The following F10 variants were observed in gnomAD, a reference collection of about 807,000 sequenced individuals.
F10 encodes coagulation factor X, also known as Stuart-Prower factor.
Under a neutral mutation model 37.1 loss-of-function variants are expected in F10, and 29 were observed. The ratio of observed to expected loss-of-function variants is 0.78; its 90% CI spans 0.58 to 1.07. F10 has a LOEUF of 1.07. F10 is among the 50% of genes least tolerant of loss of function. F10 has a pLI of 0.00. For synonymous variants in F10, 262 were observed against 268.6 expected, an observed-to-expected ratio of 0.98 and a Z score of 0.24; for missense variants, 539 against 667.9, an observed-to-expected ratio of 0.81 and a Z score of 2.13.
At position 113,148,830 on chromosome 13, in the gene F10, A is replaced by T. The variant is rs138691149; in HGVS notation, c.866-86A>T. ...TCACGTGCCATTTTTAATTTAAAAA[A>T]ATATATATAACTTCCTTAAAAAGCA... On this transcript the variant is annotated intron_variant, in intron 7 of 7. Transcript: ENST00000375559. 2.7e-4 allele frequency: 417 copies of T among 1,533,416 alleles called. 1 individual carries two copies. In the African/African-American group the frequency reaches 3.4e-3, roughly 13 times the overall value. The allele number at this position is 1,533,416 out of a possible 1,614,324, so 95.0% of individuals were successfully genotyped here. A position where few individuals can be genotyped will look rare whatever the true frequency, so the allele number is the denominator to read the frequency against.
intron 1 of F10, among the ~76,000 whole-genome samples, chr13:113,126,756 G>A (rs904851582): frequency 4.6e-5 from 7 of 152,190 alleles, no homozygotes; most frequent in African/African-American, 7.2e-5. Flanking sequence ...CAGGAGGCCC[G>A]CGAGTCCCAG....
chr13:113,122,983 C>A, intron 1 of F10, 58 bp downstream of exon 1: 2 of 1,573,266 alleles, frequency 1.3e-6, no homozygotes, highest in South Asian at 1.1e-5. Flanking sequence ...GGAGGGGCGG[C>A]AGTTGGGGAA....
chr13:113,139,793 G>A lies in F10; in HGVS notation c.370+323G>A, dbSNP rs2036510733. On this transcript the variant is annotated intron_variant, in intron 4 of 7. Coordinates refer to ENST00000375559, the MANE Select transcript of F10 (RefSeq NM_000504.4). The surrounding 1 kb of genome is among the most constrained non-coding windows in gnomAD (Gnocchi z 5.2). ...GAGTGGACTCTCTGTTTTCCTTGGG[G>A]CCAAGTGCATTGCCCTGTTATTCCT... is the stretch of plus-strand genomic sequence containing the variant. Among the ~76,000 whole-genome samples the A allele has an allele frequency of 6.6e-6, 1 of 151,914 alleles. No homozygotes were observed. The highest frequency in any genetic ancestry group is 1.5e-5 in the Non-Finnish European group (1 of 68,018).
In F10 at chr13:113,147,513, C is replaced by A; in HGVS notation, c.865+17C>A. On this transcript the variant is annotated intron_variant, in intron 7 of 7. Coordinates refer to ENST00000375559, the MANE Select transcript of F10 (RefSeq NM_000504.4). ...TGAGGGTAGGTAAGTGACCAACAGC[C>A]CCCAGGGCCGTGGTGAGGGGCACCG... 2.6e-6 allele frequency: 4 copies of A among 1,527,884 alleles called. No homozygotes were observed. Among genetic ancestry groups the A allele is most frequent in the Non-Finnish European group, 3.6e-6 (4 of 1,100,676 alleles). The allele number at this position is 1,527,884 out of a possible 1,614,324, so 94.6% of individuals were successfully genotyped here.
At chr13:113,128,394 G>T (rs1174222849) in intron 1 of F10, 1 of 152,186 alleles carries the variant, frequency 6.6e-6, no homozygotes, top group African/African-American at 2.4e-5. Context: ...ATTCTGATTG[G>T]CAATCAGTTG....
Position 113,144,093 on chromosome 13 carries a change from C to T in F10, c.745C>T (p.Gln249Ter). ...ATGCAAGGACGGGGAGTGTCCCTGG[C>T]AGGTAACAGTAGGATGTCCCCTCGG... ...QECKDGECPW[Q>*]ALLINEENEG... Residue 249 changes from glutamine (Q) to a stop codon, truncating the protein, a stop_gained and splice_region_variant, in exon 6 of 8, where the codon CAG becomes TAG. Coordinates refer to ENST00000375559, the MANE Select transcript of F10 (RefSeq NM_000504.4). LOFTEE classifies it high-confidence loss of function. The surrounding 1 kb of genome is among the most constrained non-coding windows in gnomAD (Gnocchi z 6.4). 1 of 1,613,770 alleles carries T rather than the reference C, an allele frequency of 6.2e-7. No homozygotes were observed. Among genetic ancestry groups the T allele is most frequent in the Non-Finnish European group, 8.5e-7 (1 of 1,180,000 alleles).
chr13:113,149,456 G>A lies in F10; in HGVS notation c.1406G>A (p.Arg469Lys), dbSNP rs771971250. The stretch of plus-strand genomic sequence containing the variant: ...TGGATCGACAGGTCCATGAAAACCA[G>A]GGGCTTGCCCAAGGCCAAGAGCCAT... Reference protein sequence around the residue: ...LKWIDRSMKTRGLPKAKSHAP... With the variant: ...LKWIDRSMKTKGLPKAKSHAP... The change falls in exon 8 of 8, where the codon AGG becomes AAG. Residue 469 changes from arginine (R) to lysine (K), a missense_variant. Physicochemically the swap from Arg to Lys is conservative, Grantham distance 26 (BLOSUM62 2). Transcript: ENST00000375559. The surrounding 1 kb of genome is among the most constrained non-coding windows in gnomAD (Gnocchi z 7.5). 2.9e-5 allele frequency: 47 copies of A among 1,613,248 alleles called. No individual in the cohort carries two copies. The South Asian group carries it at 4.7e-4, about 16-fold the overall frequency.
intron 2 of F10, chr13:113,130,768 G>T: frequency 6.6e-6 from 1 of 152,640 alleles, no homozygotes. Context: ...AAAAGAGCTG[G>T]GGAAAGTTCA....
At chr13:113,140,328 G>A (rs1401991348) in intron 4 of F10, among the ~76,000 whole-genome samples, 2 of 151,880 alleles carry the variant, frequency 1.3e-5, no homozygotes, top group East Asian at 1.9e-4. Flanking sequence ...TGATCCGCCC[G>A]CTTCGACCTC....
chr13:113,140,823 T>C, intron 4 of F10, 96 bp from the exon 5 acceptor site: 19 of 1,594,646 alleles, frequency 1.2e-5, no homozygotes, highest in East Asian at 2.2e-5. Flanking sequence ...GGCCGCTTTG[T>C]GGCTGACAGG....
intron 2 of F10, among the ~76,000 whole-genome samples, chr13:113,137,806 A>G (rs1397133798): frequency 1.3e-5 from 2 of 152,028 alleles, no homozygotes; most frequent in African/African-American, 4.8e-5. Flanking sequence ...TCTGTCTCTT[A>G]TAAGGACTTT....
intron 2 of F10, among the ~76,000 whole-genome samples, chr13:113,134,768 T>A (rs1270114812): frequency 6.6e-6 from 1 of 152,220 alleles, no homozygotes; most frequent in African/African-American, 2.4e-5. Context: ...AAGCCAAAAA[T>A]TTTTAAATGC....
intron 7 of F10, 53 bp downstream of exon 7, chr13:113,147,549 C>G: frequency 9.2e-7 from 1 of 1,091,496 alleles, no homozygotes. Context: ...TCACTGTCTG[C>G]TTTTCAGAAA....
intron 2 of F10, chr13:113,130,524 C>T (rs2036423765): frequency 6.6e-6 from 1 of 152,406 alleles, no homozygotes; most frequent in African/African-American, 2.4e-5. Context: ...AGCCGGAGCT[C>T]AGTGAGCAAC....
intron 2 of F10, among the ~76,000 whole-genome samples, chr13:113,136,078 G>A (rs944357752): frequency 6.6e-6 from 1 of 152,000 alleles, no homozygotes; most frequent in Admixed American, 6.6e-5. Flanking sequence ...TTAAACAAAA[G>A]ACCTTAACAG....
chr13:113,136,198 T>G (rs529342124), intron 2 of F10, among the ~76,000 whole-genome samples: 1 of 152,270 alleles, frequency 6.6e-6, no homozygotes, highest in South Asian at 2.1e-4. Flanking sequence ...AACGACTATA[T>G]ACTCATAGAG....
rs1343181348 is a variant in F10, at chr13:113,144,404, GA to G, written c.747+312del. Reference sequence around the variant, plus strand: ...CATGCCCAGGACGATGCTGTCCTGTGAAACAGAAGAGAGGGAGAAGGCGCAG... The same window carrying G: ...CATGCCCAGGACGATGCTGTCCTGTGAACAGAAGAGAGGGAGAAGGCGCAG... On this transcript the variant is annotated intron_variant, in intron 6 of 7. Transcript: ENST00000375559. The surrounding 1 kb of genome is among the most constrained non-coding windows in gnomAD (Gnocchi z 6.4). 6.6e-6 allele frequency among the ~76,000 whole-genome samples: 1 copy of G among 152,218 alleles called. No homozygotes were observed. Among genetic ancestry groups the G allele is most frequent in the African/African-American group, 2.4e-5 (1 of 41,470 alleles).
Position 113,147,484 on chromosome 13 carries a change from A to C in F10, c.853A>C (p.Lys285Gln). The part of the protein sequence containing the change: ...AHCLYQAKRF[K>Q]VRVGDRNTEQ... ...CTGTCTCTACCAAGCCAAGAGATTC[A>C]AGGTGAGGGTAGGTAAGTGACCAAC... The change falls in exon 7 of 8, where the codon AAG becomes CAG. Residue 285 changes from lysine (K) to glutamine (Q), a missense_variant. Around this residue, in one of 2 missense-constraint regions of F10, gnomAD observed 409 missense variants for 547.9 expected, o/e 0.75. Transcript: ENST00000375559. 6.2e-7 allele frequency: 1 copy of C among 1,611,566 alleles called. No homozygotes were observed. Among genetic ancestry groups the C allele is most frequent in the Non-Finnish European group, 8.5e-7 (1 of 1,177,632 alleles).
At chr13:113,147,187 A>G (rs1028776914) in intron 6 of F10, among the ~76,000 whole-genome samples, 192 bp from the exon 7 acceptor site, 1 of 152,196 alleles carries the variant, frequency 6.6e-6, no homozygotes, top group Non-Finnish European at 1.5e-5. Context: ...ATGACTCCCT[A>G]TATCAGTGAG....
Sources: allele counts gnomAD v4.1 joint callset (sites outside exome capture counted in the v4.1 genomes callset), GRCh38; gene constraint gnomAD v4.1.1; regional missense constraint gnomAD v4.1.1; non-coding constraint Gnocchi (gnomAD v3.1); transcripts MANE v1.5; gene names NCBI Gene and HGNC (gene_info 2026-07-23, HGNC 2026-07-21).